NSUN3: variants seen among roughly 807,000 people sequenced by gnomAD.
NSUN3 encodes NOP2/Sun RNA methyltransferase 3, also known as tRNA (cytosine(34)-C(5))-methyltransferase, mitochondrial.
In NSUN3, 24 loss-of-function variants were observed where a neutral mutation model predicts 36.8. The ratio of observed to expected loss-of-function variants is 0.65; its 90% CI spans 0.47 to 0.92. The LOEUF (loss-of-function observed/expected upper bound fraction) is 0.92. NSUN3 is among the 40% of genes least tolerant of loss of function. The pLI is 0.00. For missense variants in NSUN3, 381 were observed against 392.8 expected, an observed-to-expected ratio of 0.97 and a Z score of 0.25; for synonymous variants, 146 against 145.2, an observed-to-expected ratio of 1.01 and a Z score of -0.04.
chr3:94,126,664 T>C lies in NSUN3; in HGVS notation c.*174T>C, dbSNP rs2077487736. ...TGAGAATTGTTCAGGTGTATTTTTT[T>C]CCTAGAAATATATCTGTAACAATGA... On this transcript the variant is annotated 3_prime_UTR_variant, in exon 6 of 6. Transcript: ENST00000314622. 1 of 578,476 alleles carries C rather than the reference T, an allele frequency of 1.7e-6. No homozygotes were observed. Among genetic ancestry groups the C allele is most frequent in the Non-Finnish European group, 3.0e-6 (1 of 335,648 alleles). 35.8% of individuals were successfully genotyped at this position (578,476 alleles called of 1,614,324 possible). A position where few individuals can be genotyped will look rare whatever the true frequency, so the allele number is the denominator to read the frequency against.
Position 94,084,423 on chromosome 3 carries a change from A to G in NSUN3, c.439A>G (p.Ile147Val), listed in dbSNP as rs146785886. The change falls in exon 3 of 6, where the codon ATA becomes GTA. Residue 147 changes from isoleucine to valine, a missense_variant. Transcript: ENST00000314622. ...DLCAAPGGKS[I>V]ALLQCACPGY... ...CTGTGCTGCTCCTGGAGGGAAATCA[A>G]TAGCTCTGCTGCAGTGTGCTTGTCC... 1.8e-5 allele frequency: 29 copies of G among 1,613,842 alleles called. No homozygotes were observed. Among genetic ancestry groups the G allele is most frequent in the Admixed American group, 3.3e-5 (2 of 59,986 alleles).
intron 5 of NSUN3, among the ~76,000 whole-genome samples, chr3:94,116,521 A>T (rs1321716851): frequency 1.3e-5 from 2 of 152,200 alleles, no homozygotes; most frequent in African/African-American, 4.8e-5. Context: ...ACTGCTTATC[A>T]GTAGATTTGC....
chr3:94,076,656 G>A, intron 2 of NSUN3: 1 of 1,071,938 alleles, frequency 9.3e-7, no homozygotes, highest in Non-Finnish European at 1.5e-6. Context: ...TGATGTCCAT[G>A]GAGACGCAAG....
At chr3:94,066,913 AC>A (rs2077206125) in intron 2 of NSUN3, among the ~76,000 whole-genome samples, 1 of 152,154 alleles carries the variant, frequency 6.6e-6, no homozygotes, top group Admixed American at 6.5e-5. Context: ...TAAAAAATGA[AC>A]CTTATATAAA....
intron 2 of NSUN3, among the ~76,000 whole-genome samples, chr3:94,064,843 T>C (rs1204357223): frequency 6.6e-6 from 1 of 152,170 alleles, no homozygotes; most frequent in East Asian, 1.9e-4. Context: ...TTAATTATAC[T>C]GTAAAAGAAA....
At chr3:94,064,283 A>T (rs2107231380) in intron 1 of NSUN3, 154 bp from the exon 2 acceptor site, 1 of 589,734 alleles carries the variant, frequency 1.7e-6, no homozygotes, top group South Asian at 2.1e-5. Flanking sequence ...TAGATAATGT[A>T]CAGTTTTGGT....
chr3:94,096,739 A>G (rs2077342640), intron 5 of NSUN3, among the ~76,000 whole-genome samples: 1 of 152,106 alleles, frequency 6.6e-6, no homozygotes, highest in Non-Finnish European at 1.5e-5. Context: ...ACCTCAAGTG[A>G]TCTGCCCGCC....
At chr3:94,118,557 T>C (rs2077449522) in intron 5 of NSUN3, among the ~76,000 whole-genome samples, 1 of 152,096 alleles carries the variant, frequency 6.6e-6, no homozygotes, top group Non-Finnish European at 1.5e-5. Flanking sequence ...TTACTCAGGA[T>C]CTTGTTAAAC....
At chr3:94,083,056 A>T (rs1244012439) in intron 2 of NSUN3, among the ~76,000 whole-genome samples, 5 of 151,502 alleles carry the variant, frequency 3.3e-5, no homozygotes, top group Admixed American at 6.6e-5. Context: ...TTGTGCAAAG[A>T]GTGATGGGTT....
chr3:94,105,986 C>T (rs1046967397), intron 5 of NSUN3, among the ~76,000 whole-genome samples: 2 of 151,780 alleles, frequency 1.3e-5, no homozygotes, highest in Non-Finnish European at 2.9e-5. Flanking sequence ...TCACTCTTTG[C>T]TCACCTAAGC....
chr3:94,103,936 G>A (rs2077376165), intron 5 of NSUN3, among the ~76,000 whole-genome samples: 1 of 152,198 alleles, frequency 6.6e-6, no homozygotes. Context: ...AAAGAAGGCA[G>A]GTGACCCAAT....
intron 5 of NSUN3, among the ~76,000 whole-genome samples, chr3:94,098,297 T>TC (rs1183103790): frequency 2.6e-5 from 4 of 152,154 alleles, no homozygotes; most frequent in African/African-American, 9.7e-5. Context: ...AAGCCACCAG[T>TC]ATTGTCACCT....
intron 2 of NSUN3, among the ~76,000 whole-genome samples, chr3:94,079,471 C>G (rs779395158): frequency 4.6e-5 from 7 of 152,082 alleles, no homozygotes; most frequent in Non-Finnish European, 8.8e-5. Context: ...TGAATTTTGG[C>G]CTGCCTTGCT....
chr3:94,080,561 A>C (rs541232751), intron 2 of NSUN3, among the ~76,000 whole-genome samples: 21 of 152,242 alleles, frequency 1.4e-4, no homozygotes, highest in African/African-American at 4.8e-4. Flanking sequence ...TTTTATCTAT[A>C]AGTCCCTTAC....
intron 2 of NSUN3, among the ~76,000 whole-genome samples, chr3:94,067,416 C>T (rs937033991): frequency 6.6e-6 from 1 of 151,992 alleles, no homozygotes. Flanking sequence ...CGGTTGTGTC[C>T]CAGTGAATAA....
At chr3:94,117,460 C>G (rs995064157) in intron 5 of NSUN3, among the ~76,000 whole-genome samples, 1 of 152,052 alleles carries the variant, frequency 6.6e-6, no homozygotes, top group Non-Finnish European at 1.5e-5. Context: ...ACATTATATT[C>G]TATTTAATGG....
chr3:94,095,336 C>T lies in NSUN3; in HGVS notation c.743+182C>T, dbSNP rs577640746. 1.5e-4 allele frequency among the ~76,000 whole-genome samples: 23 copies of T among 152,268 alleles called. 1 individual carries two copies. The highest frequency in any genetic ancestry group is 3.9e-4 in the East Asian group (2 of 5,166). On this transcript the variant is annotated intron_variant, in intron 5 of 5. Coordinates refer to ENST00000314622, the MANE Select transcript of NSUN3 (RefSeq NM_022072.5). ...TTATCGCTCATACTGTAATGCTCACCGCCCCTCCCTCCACCCCCAGTGATG... is the reference window on the plus strand; with the variant it reads ...TTATCGCTCATACTGTAATGCTCACTGCCCCTCCCTCCACCCCCAGTGATG...
intron 5 of NSUN3, among the ~76,000 whole-genome samples, chr3:94,112,491 AG>A (rs2077422042): frequency 6.6e-6 from 1 of 152,210 alleles, no homozygotes; most frequent in South Asian, 2.1e-4. Context: ...TAAGAATCTG[AG>A]TAGGCTTCCC....
chr3:94,086,542 T>C (rs1398136829), intron 3 of NSUN3, among the ~76,000 whole-genome samples: 1 of 152,230 alleles, frequency 6.6e-6, no homozygotes, highest in Non-Finnish European at 1.5e-5. Flanking sequence ...CTTTTATACT[T>C]TTATATGAGA....
Sources: gnomAD v4.1 joint callset for allele counts (sites outside exome capture counted in the v4.1 genomes callset) on GRCh38, gnomAD v4.1.1 for gene constraint, MANE v1.5 for transcripts, NCBI Gene and HGNC (gene_info 2026-07-23, HGNC 2026-07-21) for gene names.